The following DYSF variants were observed in gnomAD, a reference collection of about 807,000 sequenced individuals.
DYSF encodes dysferlin.
In DYSF, 212 loss-of-function variants were observed where a neutral mutation model predicts 274.9. That is an observed-to-expected ratio of 0.77 (90% CI 0.69 to 0.86). The LOEUF (loss-of-function observed/expected upper bound fraction) is 0.86. Among genes scored for constraint, DYSF ranks in the 40% least tolerant of loss-of-function variants. DYSF has a pLI of 0.00. For missense variants in DYSF, 2,666 were observed against 2,783.2 expected (o/e 0.96, Z 0.95); for synonymous variants, 1,091 against 1,078.7 (o/e 1.01, Z -0.22).
At chr2:71,495,363 T>C (rs1185822387) in intron 3 of DYSF, among the ~76,000 whole-genome samples, 1 of 152,222 alleles carries the variant, frequency 6.6e-6, no homozygotes, top group African/African-American at 2.4e-5. Flanking sequence ...GTTTCTGGCA[T>C]GGTAGGATGA....
In DYSF at chr2:71,554,108, T is replaced by C. The variant is rs73942325; in HGVS notation, c.2109+177T>C. On this transcript the variant is annotated intron_variant, in intron 21 of 55. Coordinates refer to ENST00000410020, the MANE Select transcript of DYSF (RefSeq NM_001130987.2). The stretch of plus-strand genomic sequence containing the variant: ...CAATACCAGGCTTGTGGTCCTGTCC[T>C]GCATGCTTGGAAGAGAAAAGAGGGG... Among the ~76,000 whole-genome samples the C allele has an allele frequency of 5.7e-3, 872 of 152,298 alleles. 15 individuals are homozygous for C. The highest frequency in any genetic ancestry group is 0.02 in the African/African-American group (830 of 41,562).
At chr2:71,581,404 C>T (rs371942384) in intron 30 of DYSF, among the ~76,000 whole-genome samples, 6 of 152,238 alleles carry the variant, frequency 3.9e-5, no homozygotes, top group African/African-American at 1.4e-4. Context: ...GCAATCAGCC[C>T]TGATTAGAAA....
chr2:71,526,300 A>C lies in DYSF; in HGVS notation c.1230A>C (p.Gly410=). 6.2e-7 allele frequency: 1 copy of C among 1,614,086 alleles called. No homozygotes were observed. Among genetic ancestry groups the C allele is most frequent in the Non-Finnish European group, 8.5e-7 (1 of 1,179,996 alleles). The change falls in exon 13 of 56, where the codon GGA becomes GGC. Residue 410 remains glycine, a synonymous_variant. Transcript: ENST00000410020. ...GGCCCACAGGCGTAGCCCTGCGAGGAGCCCACTTCTGCCTGAAGGTCTTCC... is the reference window on the plus strand; with the variant it reads ...GGCCCACAGGCGTAGCCCTGCGAGGCGCCCACTTCTGCCTGAAGGTCTTCC... ...LLRPTGVALR[G]AHFCLKVFRA...
At chr2:71,539,849 A>G (rs1207297184) in intron 17 of DYSF, among the ~76,000 whole-genome samples, 2 of 152,242 alleles carry the variant, frequency 1.3e-5, no homozygotes, top group Admixed American at 1.3e-4. Flanking sequence ...TGACAATACA[A>G]CATAGATATC....
rs1345486405 is a variant in DYSF at position 71,686,538 on chromosome 2, T to G, written c.*46T>G. 1.6e-5 allele frequency: 26 copies of G among 1,611,124 alleles called. No homozygotes were observed. The highest frequency in any genetic ancestry group is 2.1e-5 in the Non-Finnish European group (25 of 1,177,888). ...AGGGGCCGTGGGGTCCCCTCCAGCA[T>G]GGGACTGGCCTGCCTCCTCCGCCCA... On this transcript the variant is annotated 3_prime_UTR_variant, in exon 56 of 56. Coordinates refer to ENST00000410020, the MANE Select transcript of DYSF (RefSeq NM_001130987.2).
intron 30 of DYSF, among the ~76,000 whole-genome samples, chr2:71,580,604 T>TGGCTGG (rs1049917738): frequency 7.2e-5 from 11 of 152,108 alleles, no homozygotes; most frequent in African/African-American, 2.2e-4. Context: ...ACAAGACCTA[T>TGGCTGG]GGCTGGGGCT....
intron 42 of DYSF, among the ~76,000 whole-genome samples, chr2:71,647,899 G>A (rs957851133): frequency 5.9e-5 from 9 of 152,174 alleles, no homozygotes; most frequent in Admixed American, 3.9e-4. Flanking sequence ...GTTTACAACC[G>A]TGGATACGGA....
chr2:71,636,134 G>A (rs990476722), intron 41 of DYSF, among the ~76,000 whole-genome samples: 3 of 152,158 alleles, frequency 2.0e-5, no homozygotes, highest in Non-Finnish European at 4.4e-5. Context: ...GTTGAAGGAC[G>A]TGAGGTCAGG....
chr2:71,669,470 C>T (rs925643411), intron 50 of DYSF, 135 bp from the exon 51 acceptor site: 19 of 1,143,398 alleles, frequency 1.7e-5, no homozygotes, highest in Admixed American at 3.8e-5. Flanking sequence ...TTTTGTACAT[C>T]GTGCCGATTT....
At chr2:71,682,224 A>G (rs1275558870) in intron 54 of DYSF, among the ~76,000 whole-genome samples, 1 of 152,062 alleles carries the variant, frequency 6.6e-6, no homozygotes, top group Non-Finnish European at 1.5e-5. Flanking sequence ...GTCCTGGGTC[A>G]GGAATGGGTG....
chr2:71,674,108 C>T, intron 51 of DYSF, 89 bp from the exon 52 acceptor site: 1 of 1,201,008 alleles, frequency 8.3e-7, no homozygotes, highest in South Asian at 1.3e-5. Context: ...TCCTCTGCCT[C>T]CTCCAGGCAG....
At chr2:71,614,225 C>T (rs2093832980) in intron 40 of DYSF, among the ~76,000 whole-genome samples, 1 of 152,160 alleles carries the variant, frequency 6.6e-6, no homozygotes. Flanking sequence ...CCATCTGTTC[C>T]AGGTTGTCAC....
At chr2:71,585,896 A>G (rs570836498) in intron 30 of DYSF, among the ~76,000 whole-genome samples, 1 of 152,118 alleles carries the variant, frequency 6.6e-6, no homozygotes, top group Admixed American at 6.5e-5. Context: ...TACCTAACAC[A>G]TCCTTGCAGG....
intron 1 of DYSF, among the ~76,000 whole-genome samples, chr2:71,478,313 G>A (rs140837733): frequency 3.3e-5 from 5 of 151,186 alleles, no homozygotes; most frequent in South Asian, 2.1e-4. Flanking sequence ...CTGGGTTCAC[G>A]CCATTCTCCT....
chr2:71,455,745 T>A (rs566188513), intron 1 of DYSF, among the ~76,000 whole-genome samples: 2 of 152,116 alleles, frequency 1.3e-5, no homozygotes, highest in Non-Finnish European at 2.9e-5. Context: ...CCCCTGAACC[T>A]GGGGGCTGGT....
intron 17 of DYSF, among the ~76,000 whole-genome samples, chr2:71,540,179 C>T (rs925630270): frequency 6.7e-6 from 1 of 149,608 alleles, no homozygotes; most frequent in Non-Finnish European, 1.5e-5. Context: ...GGCCCAAACT[C>T]AGCTCACTGC....
At chr2:71,665,416 G>GCT in intron 47 of DYSF, 112 bp downstream of exon 47, 1 of 1,392,306 alleles carries the variant, frequency 7.2e-7, no homozygotes, top group Admixed American at 1.8e-5. Flanking sequence ...CACAGCAGCA[G>GCT]GCTGTGGGTC....
At chr2:71,476,310 G>A (rs996645899) in intron 1 of DYSF, among the ~76,000 whole-genome samples, 10 of 152,218 alleles carry the variant, frequency 6.6e-5, no homozygotes, top group African/African-American at 2.4e-4. Context: ...CCAGCATTTT[G>A]GAAGGCCGAG....
chr2:71,580,163 T>C (rs1447150930), intron 30 of DYSF, among the ~76,000 whole-genome samples: 1 of 152,244 alleles, frequency 6.6e-6, no homozygotes, highest in Non-Finnish European at 1.5e-5. Flanking sequence ...TAGAGGCCTC[T>C]GCCCTGGGCA....
Sources: gnomAD v4.1 joint callset for allele counts (sites outside exome capture counted in the v4.1 genomes callset) on GRCh38, gnomAD v4.1.1 for gene constraint, MANE v1.5 for transcripts, NCBI Gene and HGNC (gene_info 2026-07-23, HGNC 2026-07-21) for gene names.